Variants in BTBD9 observed in about 807,000 individuals in gnomAD.
The protein encoded by BTBD9 is BTB/POZ domain-containing protein 9.
In BTBD9, 49 loss-of-function variants were observed where a neutral mutation model predicts 64.3. That is an observed-to-expected ratio of 0.76 (90% CI 0.61 to 0.97). BTBD9 has a LOEUF of 0.97. Among genes scored for constraint, BTBD9 ranks in the 50% least tolerant of loss-of-function variants. The pLI, the probability that BTBD9 is intolerant of heterozygous loss-of-function variation, is 0.00. For missense variants in BTBD9, 598 were observed against 762.1 expected (o/e 0.78, Z 2.53); for synonymous variants, 260 against 274.7 (o/e 0.95, Z 0.53).
chr6:38,615,837 T>C (rs1777766718), intron 1 of BTBD9, among the ~76,000 whole-genome samples: 2 of 152,188 alleles, frequency 1.3e-5, no homozygotes, highest in Non-Finnish European at 2.9e-5. Context: ...GCGGTCCTTT[T>C]TCAAATAACT....
chr6:38,313,667 T>A (rs1034584678), intron 7 of BTBD9, among the ~76,000 whole-genome samples: 1 of 152,170 alleles, frequency 6.6e-6, no homozygotes, highest in Non-Finnish European at 1.5e-5. Flanking sequence ...ATTGATATGA[T>A]ATATCATGTT....
intron 6 of BTBD9, among the ~76,000 whole-genome samples, chr6:38,410,128 A>G (rs1767349282): frequency 6.6e-6 from 1 of 152,230 alleles, no homozygotes; most frequent in Non-Finnish European, 1.5e-5. Flanking sequence ...ATGTTTACAT[A>G]GTTGATAAAA....
intron 1 of BTBD9, among the ~76,000 whole-genome samples, chr6:38,624,426 G>A (rs1002702936): frequency 3.3e-5 from 5 of 152,030 alleles, no homozygotes; most frequent in African/African-American, 7.2e-5. Flanking sequence ...GAAGGTCCGC[G>A]GCTTCATTCT....
intron 10 of BTBD9, among the ~76,000 whole-genome samples, chr6:38,185,101 C>T (rs1456101450): frequency 7.3e-6 from 1 of 137,682 alleles, no homozygotes; most frequent in Non-Finnish European, 1.6e-5. Flanking sequence ...AAGACATAAA[C>T]TCATTCATGG....
chr6:38,335,903 T>G (rs1305714499), intron 7 of BTBD9, among the ~76,000 whole-genome samples: 1 of 151,946 alleles, frequency 6.6e-6, no homozygotes, highest in Non-Finnish European at 1.5e-5. Context: ...CTGGCTAATT[T>G]TTGTATTTTT....
At position 38,588,479 on chromosome 6, in the gene BTBD9, T is replaced by C. The variant is rs530681862; in HGVS notation, c.814+4097A>G. On this transcript the variant is annotated intron_variant, in intron 4 of 10. Coordinates refer to ENST00000481247, the MANE Select transcript of BTBD9 (RefSeq NM_001099272.2). ...CCTCCAACTGGGCCTAATCCTTATA[T>C]GTCCTCCCTTTGGTCAGGGCTATAC... 7.3e-4 allele frequency: 623 copies of C among 859,010 alleles called. 2 individuals are homozygous for C. In the African/African-American group the frequency reaches 8.9e-3, roughly 12 times the overall value. The allele number at this position is 859,010 out of a possible 1,614,324, so 53.2% of individuals were successfully genotyped here. A position where few individuals can be genotyped will look rare whatever the true frequency, so the allele number is the denominator to read the frequency against.
At chr6:38,178,393 G>A (rs1403368983) in intron 10 of BTBD9, among the ~76,000 whole-genome samples, 1 of 152,304 alleles carries the variant, frequency 6.6e-6, no homozygotes, top group African/African-American at 2.4e-5. Flanking sequence ...CTGCACACGT[G>A]AGCAGGGTCA....
chr6:38,205,002 AAAGTT>A (rs1303355895), intron 9 of BTBD9, among the ~76,000 whole-genome samples: 4 of 152,334 alleles, frequency 2.6e-5, no homozygotes, highest in Non-Finnish European at 4.4e-5. Flanking sequence ...AATGGGTTAG[AAAGTT>A]AAGTTGAGGA....
intron 2 of BTBD9, among the ~76,000 whole-genome samples, chr6:38,597,617 T>G (rs1202143386): frequency 6.6e-6 from 1 of 152,140 alleles, no homozygotes; most frequent in African/African-American, 2.4e-5. Flanking sequence ...GAGGAGACAG[T>G]GAGGGCAACG....
intron 1 of BTBD9, among the ~76,000 whole-genome samples, chr6:38,609,619 A>G (rs144589693): frequency 6.6e-6 from 1 of 152,328 alleles, no homozygotes; most frequent in African/African-American, 2.4e-5. Context: ...CAAAAACTCT[A>G]AAGGGTAGTG....
intron 4 of BTBD9, among the ~76,000 whole-genome samples, chr6:38,590,616 C>T (rs1006844969): frequency 6.6e-6 from 1 of 152,188 alleles, no homozygotes; most frequent in Admixed American, 6.5e-5. Flanking sequence ...ACAGAAGTTA[C>T]AACTTGCAAC....
chr6:38,321,924 C>T (rs1763250602), intron 7 of BTBD9, among the ~76,000 whole-genome samples: 1 of 151,696 alleles, frequency 6.6e-6, no homozygotes, highest in African/African-American at 2.4e-5. Flanking sequence ...ATTCTTTCAT[C>T]CCAGTCTTCC....
At chr6:38,520,917 A>T (rs905124096) in intron 6 of BTBD9, among the ~76,000 whole-genome samples, 1 of 152,192 alleles carries the variant, frequency 6.6e-6, no homozygotes, top group Non-Finnish European at 1.5e-5. Flanking sequence ...ACTGCACTCC[A>T]GCCTGCTTGA....
intron 1 of BTBD9, among the ~76,000 whole-genome samples, chr6:38,626,344 G>A (rs899452080): frequency 2.6e-5 from 4 of 152,100 alleles, no homozygotes; most frequent in African/African-American, 9.7e-5. Flanking sequence ...TTTTTTAAAT[G>A]TACGATTAAA....
At chr6:38,555,666 C>T (rs1774981459) in intron 6 of BTBD9, among the ~76,000 whole-genome samples, 1 of 150,756 alleles carries the variant, frequency 6.6e-6, no homozygotes, top group Admixed American at 6.6e-5. Flanking sequence ...CACCAACATT[C>T]CTTTAATTTT....
intron 9 of BTBD9, among the ~76,000 whole-genome samples, chr6:38,222,259 T>TTG (rs1763226539): frequency 8.4e-6 from 1 of 118,960 alleles, no homozygotes; most frequent in East Asian, 2.3e-4. Flanking sequence ...ATTCAGTTGT[T>TTG]TTTTTTTTTT....
intron 6 of BTBD9, among the ~76,000 whole-genome samples, chr6:38,355,961 G>T (rs544620507): frequency 6.6e-6 from 1 of 152,056 alleles, no homozygotes; most frequent in Non-Finnish European, 1.5e-5. Flanking sequence ...TGTTTGGCTG[G>T]GTACAGAATC....
At chr6:38,391,313 T>C (rs1562118293) in intron 6 of BTBD9, among the ~76,000 whole-genome samples, 1 of 152,220 alleles carries the variant, frequency 6.6e-6, no homozygotes, top group Non-Finnish European at 1.5e-5. Flanking sequence ...GGCCACACTA[T>C]TTTAAATCAG....
chr6:38,443,583 G>A (rs4714161), intron 6 of BTBD9, among the ~76,000 whole-genome samples: 3 of 151,930 alleles, frequency 2.0e-5, no homozygotes, highest in Non-Finnish European at 2.9e-5. Context: ...TAGCAAGCAG[G>A]CAGCTGCTCA....
Sources: allele counts gnomAD v4.1 joint callset (sites outside exome capture counted in the v4.1 genomes callset), GRCh38; gene constraint gnomAD v4.1.1; transcripts MANE v1.5; gene names NCBI Gene and HGNC (gene_info 2026-07-23, HGNC 2026-07-21).